Variants in TAF1 observed in about 807,000 individuals in gnomAD.
TAF1 encodes the protein TATA-box binding protein associated factor 1.
Under a neutral mutation model 138.5 loss-of-function variants are expected in TAF1, and 2 were observed. The observed-to-expected ratio is 0.01, with a 90% CI of 0.01 to 0.05. The LOEUF (loss-of-function observed/expected upper bound fraction) is 0.05, where lower values mean the gene tolerates loss of function less well. Ranked by LOEUF, TAF1 falls within the 10% of genes least tolerant of loss-of-function variation. The pLI is 1.00. For synonymous variants in TAF1, 437 were observed against 503.2 expected (o/e 0.87, Z 1.76); for missense variants, 709 against 1,478.0 (o/e 0.48, Z 8.53).
intron 25 of TAF1, among the ~76,000 whole-genome samples, chrX:71,404,951 CTTT>C (rs1170234048): frequency 1.3e-5 from 1 of 74,874 alleles, no homozygotes; most frequent in African/African-American, 5.0e-5. Context: ...TTATTCCAAA[CTTT>C]TTTTTTTTTT....
At chrX:71,473,915 G>A (rs1025906790) in intron 13 of TAF1, among the ~76,000 whole-genome samples, 1 of 111,029 alleles carries the variant, frequency 9.0e-6, no homozygotes, top group South Asian at 3.8e-4. Flanking sequence ...GGAGGCCAAG[G>A]AGGGTGATCA....
intron 3 of TAF1, among the ~76,000 whole-genome samples, chrX:71,372,738 A>G (rs1415263243): frequency 8.9e-6 from 1 of 111,861 alleles, no homozygotes; most frequent in Non-Finnish European, 1.9e-5. Context: ...TTTGTCACTT[A>G]AAATTCAGTC....
chrX:71,461,566 A>T (rs1341482954), intron 37 of TAF1, among the ~76,000 whole-genome samples: 2 of 111,397 alleles, frequency 1.8e-5, no homozygotes, highest in Non-Finnish European at 3.8e-5. Context: ...GGAAGAATAC[A>T]TATTAGATGG....
At chrX:71,379,977 A>G (rs2033777319) in intron 8 of TAF1, among the ~76,000 whole-genome samples, 1 of 110,275 alleles carries the variant, frequency 9.1e-6, no homozygotes. Flanking sequence ...TGTATTTAGA[A>G]TTCTAGTTTC....
In TAF1 at chrX:71,463,943, C is replaced by G. The variant is rs747247126; in HGVS notation, c.5519C>G (p.Ser1840Cys). ...EEDEEEEEQRSGPSVLSQVHL... is the reference protein window; with the variant it reads ...EEDEEEEEQRCGPSVLSQVHL... ...GATGAGGAGGAGGAAGAGCAGCGCT[C>G]TGGGCCGAGCGTACTAAGCCAGGTC... The change falls in exon 38 of 38, where the codon TCT becomes TGT. Residue 1840 changes from serine to cysteine, a missense_variant. Physicochemically the swap from Ser to Cys is moderately radical, Grantham distance 112. Coordinates refer to ENST00000423759, the MANE Select transcript of TAF1 (RefSeq NM_004606.5). 2.5e-6 allele frequency: 3 copies of G among 1,204,531 alleles called. No homozygotes were observed. Among genetic ancestry groups the G allele is most frequent in the East Asian group, 6.0e-5 (2 of 33,596 alleles).
At chrX:71,384,651 G>C (rs761193850) in intron 13 of TAF1, among the ~76,000 whole-genome samples, 3 of 111,149 alleles carry the variant, frequency 2.7e-5, no homozygotes, top group African/African-American at 9.8e-5. Context: ...CTCGTGATCT[G>C]CCCGTCTTGG....
rs1168813218 is a variant in TAF1 at position 71,389,707 on chromosome X, C to T, written c.2781+42C>T. On this transcript the variant is annotated intron_variant, in intron 18 of 37. Coordinates refer to ENST00000423759, the MANE Select transcript of TAF1 (RefSeq NM_004606.5). ...GTTTGTATTAGTCATTAATACATCTCATTTATCCTTTTAAAAGAGACAGCT... is the reference window on the plus strand; with the variant it reads ...GTTTGTATTAGTCATTAATACATCTTATTTATCCTTTTAAAAGAGACAGCT... 4 of 1,010,621 alleles carry T rather than the reference C, an allele frequency of 4.0e-6. No individual in the cohort carries two copies. The Admixed American group carries it at 8.4e-5, about 21-fold the overall frequency. The allele number at this position is 1,010,621 out of a possible 1,213,427, so 83.3% of individuals were successfully genotyped here.
chrX:71,503,324 GTGTGTATATATATATATA>G (rs1481635593), intron 13 of TAF1, among the ~76,000 whole-genome samples: 2 of 92,774 alleles, frequency 2.2e-5, no homozygotes, highest in Admixed American at 1.2e-4. Context: ...ATATATATGT[GTGTGTATATATATATATA>G]TGTGTATATA....
chrX:71,435,332 A>T (rs911910344), intron 32 of TAF1, among the ~76,000 whole-genome samples: 2 of 112,301 alleles, frequency 1.8e-5, no homozygotes, highest in African/African-American at 6.5e-5. Context: ...CCTTTGCCTG[A>T]CATTCTGGAG....
intron 28 of TAF1, among the ~76,000 whole-genome samples, chrX:71,408,751 C>T (rs1004573366): frequency 3.7e-5 from 4 of 108,090 alleles, no homozygotes; most frequent in Non-Finnish European, 5.8e-5. Flanking sequence ...TTCGGCTGGG[C>T]GCGGTGGCTC....
rs1394311556 is a variant in TAF1 at position 71,388,816 on chromosome X, C to T, written c.2648C>T (p.Pro883Leu). ...GAAGAGATCAGAGCTATGGTGTCAC[C>T]AGAGCAGTGCTGTGCTTATTATAGC... ...TEEEIRAMVS[P>L]EQCCAYYSMI... The change falls in exon 17 of 38, where the codon CCA becomes CTA. Residue 883 changes from proline to leucine, a missense_variant. By Grantham distance (98) the Pro-to-Leu change is moderately conservative (BLOSUM62 -3). Coordinates refer to ENST00000423759, the MANE Select transcript of TAF1 (RefSeq NM_004606.5). 1 of 1,211,437 alleles carries T rather than the reference C, an allele frequency of 8.3e-7. No homozygotes were observed. The highest frequency in any genetic ancestry group is 2.2e-5 in the Admixed American group (1 of 45,963).
chrX:71,433,276 G>T (rs1036761251), intron 32 of TAF1, among the ~76,000 whole-genome samples: 2 of 112,107 alleles, frequency 1.8e-5, no homozygotes, highest in African/African-American at 6.5e-5. Context: ...GATTTGGATA[G>T]GTTGTACATG....
rs544288464 is a variant in TAF1, at chrX:71,418,560, G to A, written c.4385-2749G>A. Among the ~76,000 whole-genome samples, 37 of 112,428 alleles carry A rather than the reference G, an allele frequency of 3.3e-4. No homozygotes were observed. The South Asian group carries it at 0.012, about 36-fold the overall frequency. On this transcript the variant is annotated intron_variant, in intron 28 of 37. Coordinates refer to ENST00000423759, the MANE Select transcript of TAF1 (RefSeq NM_004606.5). ...AGAACTGACGTTTTGGCTCTGGGGA[G>A]CACTAACACAAAAGGATAGACAGAG...
chrX:71,385,718 T>G (rs1326505712), intron 14 of TAF1, among the ~76,000 whole-genome samples: 6 of 111,985 alleles, frequency 5.4e-5, no homozygotes, highest in Non-Finnish European at 1.1e-4. Flanking sequence ...AAGCTCAGTT[T>G]TTTTCTTTAT....
chrX:71,505,773 C>T (rs943462049), intron 13 of TAF1, among the ~76,000 whole-genome samples: 1 of 111,742 alleles, frequency 8.9e-6, no homozygotes, highest in Non-Finnish European at 1.9e-5. Context: ...GTAATCCCAG[C>T]ACTTTGGGAG....
At chrX:71,396,306 T>G (rs964766201) in intron 22 of TAF1, among the ~76,000 whole-genome samples, 1 of 107,456 alleles carries the variant, frequency 9.3e-6, no homozygotes, top group African/African-American at 3.4e-5. Context: ...TTTTTTTTTT[T>G]TTTTTTGAAA....
chrX:71,395,879 C>T (rs756044891), intron 22 of TAF1, among the ~76,000 whole-genome samples: 2 of 111,013 alleles, frequency 1.8e-5, no homozygotes, highest in Admixed American at 9.7e-5. Context: ...CATTTGCAGC[C>T]GGGTGTGGTG....
intron 32 of TAF1, among the ~76,000 whole-genome samples, chrX:71,443,869 C>T (rs752950549): frequency 2.7e-5 from 3 of 111,378 alleles, no homozygotes; most frequent in South Asian, 3.8e-4. Context: ...CCCCAATGCC[C>T]GGCTAATTTT....
At chrX:71,387,176 A>G in intron 14 of TAF1, 85 bp from the exon 15 acceptor site, 6 of 982,394 alleles carry the variant, frequency 6.1e-6, no homozygotes, top group South Asian at 2.1e-5. Context: ...ATGGAGAGCA[A>G]TAAGCTTGGT....
Sources: allele counts gnomAD v4.1 joint callset (sites outside exome capture counted in the v4.1 genomes callset), GRCh38; gene constraint gnomAD v4.1.1; transcripts MANE v1.5; gene names NCBI Gene and HGNC (gene_info 2026-07-23, HGNC 2026-07-21).